ATP9B: variants seen among roughly 807,000 people sequenced by gnomAD.
ATP9B encodes the protein ATPase phospholipid transporting 9B, also known as probable phospholipid-transporting ATPase IIB.
ATP9B carries 110 observed loss-of-function variants against 146.1 expected under a neutral mutation model. That is an observed-to-expected ratio of 0.75 (90% CI 0.65 to 0.88). The LOEUF is 0.88. Ranked by LOEUF, ATP9B falls within the 40% of genes least tolerant of loss-of-function variation. ATP9B has a pLI of 0.00. For synonymous variants in ATP9B, 604 were observed against 569.7 expected (o/e 1.06, Z -0.86); for missense variants, 1,499 against 1,496.4 (o/e 1.00, Z -0.03).
At chr18:79,123,129 C>G (rs182227996) in intron 4 of ATP9B, among the ~76,000 whole-genome samples, 7 of 152,138 alleles carry the variant, frequency 4.6e-5, no homozygotes, top group African/African-American at 1.7e-4. Context: ...AGAGGACTGT[C>G]TATCTCTAGT....
intron 13 of ATP9B, among the ~76,000 whole-genome samples, chr18:79,296,569 C>T (rs550538938): frequency 6.6e-5 from 10 of 152,192 alleles, no homozygotes; most frequent in South Asian, 6.2e-4. Context: ...AGGTATCTTC[C>T]GGATTTTTAT....
Position 79,359,340 on chromosome 18 carries a change from T to C in ATP9B, c.2904-14T>C. Reference sequence around the variant, plus strand: ...GTTTCTCACGCCCATTGCACTCCGCTCTTGGTCTTGCAGGTATGCCACCAT... The same window carrying C: ...GTTTCTCACGCCCATTGCACTCCGCCCTTGGTCTTGCAGGTATGCCACCAT... On this transcript the variant is annotated splice_polypyrimidine_tract_variant and intron_variant, in intron 25 of 29. Coordinates refer to ENST00000426216, the MANE Select transcript of ATP9B (RefSeq NM_198531.5). 1.3e-6 allele frequency: 2 copies of C among 1,593,948 alleles called. No individual in the cohort carries two copies. Among genetic ancestry groups the C allele is most frequent in the African/African-American group, 1.3e-5 (1 of 74,572 alleles).
chr18:79,096,045 C>G (rs1599502080), intron 1 of ATP9B, among the ~76,000 whole-genome samples: 2 of 152,334 alleles, frequency 1.3e-5, no homozygotes, highest in Non-Finnish European at 2.9e-5. Flanking sequence ...TCGAAAGTCA[C>G]TTCTAGAATG....
At chr18:79,079,858 T>C (rs1309840506) in intron 1 of ATP9B, among the ~76,000 whole-genome samples, 2 of 152,256 alleles carry the variant, frequency 1.3e-5, no homozygotes, top group Non-Finnish European at 2.9e-5. Flanking sequence ...TTCAGTTTTC[T>C]GCATATGGCT....
At chr18:79,154,837 G>T (rs2094749678) in intron 7 of ATP9B, among the ~76,000 whole-genome samples, 1 of 152,092 alleles carries the variant, frequency 6.6e-6, no homozygotes, top group Admixed American at 6.5e-5. Context: ...ACTTTAAAAG[G>T]TAAAAGTAAA....
intron 1 of ATP9B, among the ~76,000 whole-genome samples, chr18:79,079,838 G>C (rs1374645552): frequency 6.6e-6 from 1 of 152,150 alleles, no homozygotes; most frequent in African/African-American, 2.4e-5. Context: ...TTGTAAGGAA[G>C]GGGTCCAGTT....
At chr18:79,088,127 T>C (rs1304616427) in intron 1 of ATP9B, among the ~76,000 whole-genome samples, 1 of 152,232 alleles carries the variant, frequency 6.6e-6, no homozygotes, top group Non-Finnish European at 1.5e-5. Flanking sequence ...TGCTTGCCAG[T>C]TCAAAGGCTC....
intron 15 of ATP9B, among the ~76,000 whole-genome samples, chr18:79,323,458 C>T (rs1463992494): frequency 6.6e-6 from 1 of 152,190 alleles, no homozygotes; most frequent in Non-Finnish European, 1.5e-5. Flanking sequence ...CTCAATGTCC[C>T]CGATATCCTT....
At chr18:79,240,756 C>A (rs1470141488) in intron 11 of ATP9B, among the ~76,000 whole-genome samples, 2 of 152,176 alleles carry the variant, frequency 1.3e-5, no homozygotes, top group African/African-American at 4.8e-5. Context: ...CAAAAAACAA[C>A]AGAAAAAGAA....
At chr18:79,213,279 GT>G (rs1282272018) in intron 10 of ATP9B, among the ~76,000 whole-genome samples, 2 of 151,972 alleles carry the variant, frequency 1.3e-5, no homozygotes, top group African/African-American at 2.4e-5. Flanking sequence ...GATTTCCATG[GT>G]TTTTAATACT....
At chr18:79,359,525 G>C in intron 26 of ATP9B, 63 bp downstream of exon 26, 2 of 1,263,354 alleles carry the variant, frequency 1.6e-6, no homozygotes, top group East Asian at 4.7e-5. Context: ...TTTTACACGA[G>C]TGAGAAACAG....
At chr18:79,366,282 G>GCTGGAC (rs915801638) in intron 26 of ATP9B, among the ~76,000 whole-genome samples, 2 of 152,194 alleles carry the variant, frequency 1.3e-5, no homozygotes, top group African/African-American at 4.8e-5. Context: ...CTCAGAGCCC[G>GCTGGAC]CTGGACGGCA....
At chr18:79,224,280 A>C (rs964673271) in intron 11 of ATP9B, among the ~76,000 whole-genome samples, 1 of 152,222 alleles carries the variant, frequency 6.6e-6, no homozygotes, top group Non-Finnish European at 1.5e-5. Context: ...TGATTGACTT[A>C]TGACATTTCC....
intron 11 of ATP9B, among the ~76,000 whole-genome samples, chr18:79,219,789 A>T (rs2148474029): frequency 6.6e-6 from 1 of 152,342 alleles, no homozygotes; most frequent in African/African-American, 2.4e-5. Flanking sequence ...GAGGTTAAAA[A>T]ATGCTTCAGT....
intron 6 of ATP9B, chr18:79,144,304 A>C (rs1425233048): frequency 6.6e-6 from 1 of 152,508 alleles, no homozygotes; most frequent in Non-Finnish European, 1.5e-5. Context: ...TAGTCTATGC[A>C]TCAATAAATC....
chr18:79,359,432 C>T lies in ATP9B; in HGVS notation c.2982C>T (p.Leu994=). ...ACGTGAAGCCAGAGATGGCGATGCT[C>T]TACCCGGAGCTGTACAAGGACCTCA... ...DQDVKPEMAM[L]YPELYKDLTK... is the part of the protein sequence containing the mutation. The change falls in exon 26 of 30, where the codon CTC becomes CTT. Residue 994 remains leucine, a synonymous_variant. Coordinates refer to ENST00000426216, the MANE Select transcript of ATP9B (RefSeq NM_198531.5). 7 of 1,614,022 alleles carry T rather than the reference C, an allele frequency of 4.3e-6. No individual in the cohort carries two copies. The highest frequency in any genetic ancestry group is 5.9e-6 in the Non-Finnish European group (7 of 1,179,914).
At chr18:79,126,531 A>C (rs1422809307) in intron 5 of ATP9B, among the ~76,000 whole-genome samples, 156 bp downstream of exon 5, 1 of 152,202 alleles carries the variant, frequency 6.6e-6, no homozygotes, top group Non-Finnish European at 1.5e-5. Context: ...ATAATGTATA[A>C]TGCAATTTTA....
At chr18:79,298,530 C>T (rs1272822894) in intron 13 of ATP9B, among the ~76,000 whole-genome samples, 1 of 146,816 alleles carries the variant, frequency 6.8e-6, no homozygotes, top group Non-Finnish European at 1.5e-5. Flanking sequence ...TGTCACTTCT[C>T]TTTTCGATAT....
intron 7 of ATP9B, among the ~76,000 whole-genome samples, chr18:79,172,222 G>A (rs2147886517): frequency 7.3e-6 from 1 of 137,630 alleles, no homozygotes; most frequent in African/African-American, 2.8e-5. Context: ...CTTGCGATCC[G>A]CCTTGGCCTC....
Sources: gnomAD v4.1 joint callset for allele counts (sites outside exome capture counted in the v4.1 genomes callset) on GRCh38, gnomAD v4.1.1 for gene constraint, MANE v1.5 for transcripts, NCBI Gene and HGNC (gene_info 2026-07-23, HGNC 2026-07-21) for gene names.